Variants in MSH4 observed in about 807,000 individuals in gnomAD.
MSH4 encodes the protein mutS homolog 4.
In MSH4, 106 loss-of-function variants were observed where a neutral mutation model predicts 113.7. That is an observed-to-expected ratio of 0.93 (90% CI 0.80 to 1.10). The LOEUF (loss-of-function observed/expected upper bound fraction) is 1.10, where lower values mean the gene tolerates loss of function less well. MSH4 is among the 50% of genes least tolerant of loss of function. The probability of loss-of-function intolerance (pLI) is 0.00; values close to 1 mark genes in which losing one functional copy is unlikely to be tolerated. For synonymous variants in MSH4, 368 were observed against 380.2 expected, an observed-to-expected ratio of 0.97 and a Z score of 0.37; for missense variants, 1,061 against 1,093.7, an observed-to-expected ratio of 0.97 and a Z score of 0.42.
chr1:75,849,601 G>C (rs1265915708), intron 8 of MSH4, among the ~76,000 whole-genome samples: 1 of 152,144 alleles, frequency 6.6e-6, no homozygotes, highest in Non-Finnish European at 1.5e-5. Flanking sequence ...GCACAGAACT[G>C]AGTTTCCTTA....
intron 19 of MSH4, among the ~76,000 whole-genome samples, chr1:75,912,191 A>T (rs1652801746): frequency 6.6e-6 from 1 of 152,104 alleles, no homozygotes; most frequent in Non-Finnish European, 1.5e-5. Flanking sequence ...CTTTAGGGGC[A>T]AGCAATTTTC....
intron 7 of MSH4, among the ~76,000 whole-genome samples, chr1:75,827,366 C>G (rs1238337487): frequency 6.6e-6 from 1 of 152,074 alleles, no homozygotes; most frequent in Non-Finnish European, 1.5e-5. Flanking sequence ...AAAACCAGTA[C>G]CAGCCACTGT....
At chr1:75,849,914 T>A (rs1364611387) in intron 8 of MSH4, among the ~76,000 whole-genome samples, 1 of 152,174 alleles carries the variant, frequency 6.6e-6, no homozygotes, top group Non-Finnish European at 1.5e-5. Flanking sequence ...CAAGCTTTGG[T>A]ACCTTGTGTC....
intron 7 of MSH4, among the ~76,000 whole-genome samples, chr1:75,843,366 C>G (rs1260655895): frequency 6.6e-6 from 1 of 152,118 alleles, no homozygotes; most frequent in Non-Finnish European, 1.5e-5. Context: ...AGAAACTCAC[C>G]CACCCTGTGG....
chr1:75,847,243 G>A (rs563661244), intron 7 of MSH4, among the ~76,000 whole-genome samples: 4 of 152,282 alleles, frequency 2.6e-5, no homozygotes, highest in South Asian at 2.1e-4. Flanking sequence ...ACACATGAAC[G>A]TTGGGGATCA....
intron 7 of MSH4, among the ~76,000 whole-genome samples, chr1:75,837,510 C>T (rs1240312392): frequency 1.3e-5 from 2 of 151,516 alleles, no homozygotes; most frequent in African/African-American, 4.9e-5. Flanking sequence ...CCTCAGCCTC[C>T]CGAGTAGCTG....
intron 14 of MSH4, 50 bp downstream of exon 14, chr1:75,881,420 C>G: frequency 6.4e-7 from 1 of 1,562,764 alleles, no homozygotes; most frequent in African/African-American, 1.4e-5. Context: ...AATTTGTATT[C>G]GATTCAAACA....
intron 19 of MSH4, among the ~76,000 whole-genome samples, chr1:75,907,228 A>G (rs915207702): frequency 1.1e-4 from 16 of 152,058 alleles, no homozygotes; most frequent in African/African-American, 3.9e-4. Flanking sequence ...GTTTGTCTAG[A>G]AAAGACTTTT....
rs1650193057 is a variant in MSH4, at chr1:75,811,683, G to T, written c.699+876G>T. Among the ~76,000 whole-genome samples the T allele has an allele frequency of 2.6e-5, 4 of 152,232 alleles. No individual in the cohort carries two copies. The South Asian group carries it at 8.3e-4, about 31-fold the overall frequency. On this transcript the variant is annotated intron_variant, in intron 4 of 19. Coordinates refer to ENST00000263187, the MANE Select transcript of MSH4 (RefSeq NM_002440.4). The stretch of plus-strand genomic sequence containing the variant: ...ACCTTATCCAACAAGAATGGGGGCT[G>T]TGGCTCCAAACCAAGTAGACAGCAT...
At chr1:75,836,189 A>G (rs920206623) in intron 7 of MSH4, among the ~76,000 whole-genome samples, 2 of 152,132 alleles carry the variant, frequency 1.3e-5, no homozygotes, top group Non-Finnish European at 2.9e-5. Flanking sequence ...CTTCCACACA[A>G]CTTTGCCTGA....
intron 14 of MSH4, among the ~76,000 whole-genome samples, chr1:75,882,812 C>T (rs1049588978): frequency 6.6e-6 from 1 of 152,078 alleles, no homozygotes; most frequent in African/African-American, 2.4e-5. Flanking sequence ...CACCGTATTC[C>T]AGCCTGGGTG....
At chr1:75,892,826 G>T (rs1652287753) in intron 17 of MSH4, among the ~76,000 whole-genome samples, 1 of 152,110 alleles carries the variant, frequency 6.6e-6, no homozygotes, top group African/African-American at 2.4e-5. Context: ...GAAGGGCAGG[G>T]TTTCTTAACC....
At chr1:75,889,184 A>C (rs942765617) in intron 15 of MSH4, 67 bp from the exon 16 acceptor site, 6 of 777,516 alleles carry the variant, frequency 7.7e-6, no homozygotes, top group Non-Finnish European at 1.3e-5. Context: ...TCTGAGAAGT[A>C]CAAAATGTTA....
chr1:75,798,609 T>G (rs1238588827), intron 1 of MSH4, among the ~76,000 whole-genome samples: 1 of 149,440 alleles, frequency 6.7e-6, no homozygotes, highest in Non-Finnish European at 1.5e-5. Flanking sequence ...CAGGCTGGAG[T>G]GCAGTGGCAT....
chr1:75,854,136 G>T (rs907467457), intron 8 of MSH4, among the ~76,000 whole-genome samples: 2 of 150,690 alleles, frequency 1.3e-5, no homozygotes, highest in Non-Finnish European at 3.0e-5. Flanking sequence ...CAGTCACAGG[G>T]TTCATACTAG....
chr1:75,801,597 G>T (rs1649936507), intron 1 of MSH4, among the ~76,000 whole-genome samples: 1 of 151,300 alleles, frequency 6.6e-6, no homozygotes, highest in Non-Finnish European at 1.5e-5. Flanking sequence ...TTTATGCTGA[G>T]GCATGGTGGC....
intron 8 of MSH4, among the ~76,000 whole-genome samples, chr1:75,857,412 T>C (rs1466848881): frequency 1.3e-5 from 2 of 152,252 alleles, no homozygotes; most frequent in Non-Finnish European, 2.9e-5. Context: ...AGGGTTTTTA[T>C]GGTTTTAGGT....
intron 15 of MSH4, among the ~76,000 whole-genome samples, chr1:75,885,318 GGTGTGTGTGT>G (rs58647865): frequency 3.8e-5 from 4 of 105,338 alleles, no homozygotes; most frequent in African/African-American, 7.6e-5. Flanking sequence ...TCACACTGGG[GGTGTGTGTGT>G]GTGTGTGTGT....
intron 7 of MSH4, among the ~76,000 whole-genome samples, chr1:75,833,308 A>G (rs1268967657): frequency 1.3e-5 from 2 of 152,202 alleles, no homozygotes; most frequent in African/African-American, 4.8e-5. Context: ...ATGGAAGCAC[A>G]TTCCATGCTC....
Sources: allele counts gnomAD v4.1 joint callset (sites outside exome capture counted in the v4.1 genomes callset), GRCh38; gene constraint gnomAD v4.1.1; transcripts MANE v1.5; gene names NCBI Gene and HGNC (gene_info 2026-07-23, HGNC 2026-07-21).